The following CRK variants were observed in gnomAD, a reference collection of about 807,000 sequenced individuals.
The protein encoded by CRK is adapter molecule crk.
A neutral mutation model predicts 29.8 loss-of-function variants in CRK; 4 were observed. The observed-to-expected ratio is 0.13, with a 90% CI of 0.07 to 0.31. The LOEUF (loss-of-function observed/expected upper bound fraction) is 0.31, where lower values mean the gene tolerates loss of function less well. Among genes scored for constraint, CRK ranks in the 10% least tolerant of loss-of-function variants. The probability of loss-of-function intolerance (pLI) is 1.00; values close to 1 mark genes in which losing one functional copy is unlikely to be tolerated. For synonymous variants in CRK, 153 were observed against 164.9 expected (o/e 0.93, Z 0.55); for missense variants, 274 against 396.5 (o/e 0.69, Z 2.62).
At chr17:1,429,891 C>A (rs528807292) in intron 2 of CRK, among the ~76,000 whole-genome samples, 2 of 151,412 alleles carry the variant, frequency 1.3e-5, no homozygotes, top group African/African-American at 4.9e-5. Context: ...CAACTGGGCA[C>A]CCTTGCTTGG....
At chr17:1,446,503 G>C (rs2073975733) in intron 1 of CRK, among the ~76,000 whole-genome samples, 1 of 151,884 alleles carries the variant, frequency 6.6e-6, no homozygotes, top group African/African-American at 2.4e-5. Flanking sequence ...GAGAAAACTT[G>C]GCAGATCATC....
intron 1 of CRK, among the ~76,000 whole-genome samples, chr17:1,446,889 G>A (rs994571491): frequency 6.6e-6 from 1 of 152,132 alleles, no homozygotes; most frequent in African/African-American, 2.4e-5. Flanking sequence ...CACCACGCCC[G>A]GCCGTGACTT....
At chr17:1,454,287 T>C (rs1412251072) in intron 1 of CRK, among the ~76,000 whole-genome samples, 3 of 152,154 alleles carry the variant, frequency 2.0e-5, no homozygotes, top group Non-Finnish European at 4.4e-5. Flanking sequence ...TTGCCTGTAA[T>C]CCCAGCACTT....
At position 1,437,155 on chromosome 17, in the gene CRK, C is replaced by T; in HGVS notation, c.242G>A (p.Gly81Glu). Residue 81 changes from glycine to glutamate, a missense_variant and splice_region_variant, in exon 2 of 3, where the codon GGG (glycine) becomes GAG (glutamate). By Grantham distance (98) the Gly-to-Glu change is moderately conservative. This residue lies in a region of CRK where 135 missense variants were observed against 180.9 expected (regional missense o/e 0.75). Coordinates refer to ENST00000300574, the MANE Select transcript of CRK (RefSeq NM_016823.4). ...VPPSPAQPPP[G>E]VSPSRLRIGD... ...TATTCGGAGTCTGGAGGGGCTCACC[C>T]CTGGAAAAAACAGAGCAGGCTGTTA... 6.3e-7 allele frequency: 1 copy of T among 1,585,768 alleles called. No individual in the cohort carries two copies. The highest frequency in any genetic ancestry group is 1.1e-5 in the South Asian group (1 of 87,008).
intron 2 of CRK, among the ~76,000 whole-genome samples, chr17:1,425,872 A>C (rs1459190238): frequency 6.6e-6 from 1 of 152,188 alleles, no homozygotes; most frequent in East Asian, 1.9e-4. Flanking sequence ...ATAGAGAGAC[A>C]CATAAGACAC....
chr17:1,444,432 G>A (rs1264794800), intron 1 of CRK, among the ~76,000 whole-genome samples: 4 of 152,198 alleles, frequency 2.6e-5, no homozygotes, highest in Admixed American at 2.0e-4. Context: ...CGGAGGCTGA[G>A]GTGGATTGCT....
At chr17:1,426,849 T>C (rs547981879) in intron 2 of CRK, among the ~76,000 whole-genome samples, 14 of 59,638 alleles carry the variant, frequency 2.3e-4, no homozygotes, top group Non-Finnish European at 4.4e-4. Context: ...CCAACAGAGT[T>C]ACACTGTCTC....
chr17:1,424,727 TG>T (rs2073760819), intron 2 of CRK: 1 of 152,172 alleles, frequency 6.6e-6, no homozygotes, highest in South Asian at 2.1e-4. Context: ...AAACCAACCA[TG>T]GCCGGGCGCA....
chr17:1,445,162 C>T (rs376696555), intron 1 of CRK, among the ~76,000 whole-genome samples: 393 of 148,608 alleles, frequency 2.6e-3, no homozygotes, highest in Middle Eastern at 0.021. Context: ...AAAAAAAAAT[C>T]ATTCCACTAT....
At position 1,436,803 on chromosome 17, in the gene CRK, C is replaced by T. The variant is rs755759046; in HGVS notation, c.594G>A (p.Ser198=). 6.3e-6 allele frequency: 10 copies of T among 1,581,378 alleles called. No individual in the cohort carries two copies. The highest frequency in any genetic ancestry group is 1.4e-5 in the African/African-American group (1 of 74,066). Residue 198 remains serine (S), a synonymous_variant, in exon 2 of 3, where the codon TCG becomes TCA. Transcript: ENST00000300574. Reference sequence around the variant, plus strand: ...CCTCCTGGTTACCTCCAATCAGAGCCGATACTGAGGCGGAGGCAGGTCTAT... The same window carrying T: ...CCTCCTGGTTACCTCCAATCAGAGCTGATACTGAGGCGGAGGCAGGTCTAT... ...EKYRPASASV[S]ALIGGNQEGS...
intron 2 of CRK, among the ~76,000 whole-genome samples, chr17:1,431,550 T>C (rs1172823650): frequency 6.6e-6 from 1 of 151,506 alleles, no homozygotes; most frequent in Non-Finnish European, 1.5e-5. Context: ...TGAAACCCCA[T>C]CTCTACTAAA....
chr17:1,453,058 T>G (rs896259441), intron 1 of CRK, among the ~76,000 whole-genome samples: 3 of 152,098 alleles, frequency 2.0e-5, no homozygotes, highest in South Asian at 2.1e-4. Context: ...CAGTGAGCTG[T>G]GTTCATGCCA....
At chr17:1,431,097 A>C (rs373979304) in intron 2 of CRK, among the ~76,000 whole-genome samples, 1 of 152,092 alleles carries the variant, frequency 6.6e-6, no homozygotes, top group African/African-American at 2.4e-5. Context: ...CAAACAAATT[A>C]ACCCTTTGTG....
chr17:1,452,971 T>C (rs547378108), intron 1 of CRK, among the ~76,000 whole-genome samples: 2 of 151,908 alleles, frequency 1.3e-5, no homozygotes, highest in South Asian at 2.1e-4. Context: ...TAACCAGGCA[T>C]GGTGGATACG....
In CRK at chr17:1,423,103, A is replaced by G; in HGVS notation, c.*410T>C. The G allele has an allele frequency of 2.4e-6, 1 of 422,138 alleles. No homozygotes were observed. Among genetic ancestry groups the G allele is most frequent in the South Asian group, 9.2e-5 (1 of 10,840 alleles). The allele number at this position is 422,138 out of a possible 1,614,324, so 26.1% of individuals were successfully genotyped here. A position where few individuals can be genotyped will look rare whatever the true frequency, so the allele number is the denominator to read the frequency against. On this transcript the variant is annotated 3_prime_UTR_variant, in exon 3 of 3. Coordinates refer to ENST00000300574, the MANE Select transcript of CRK (RefSeq NM_016823.4). ...GATTACTTCACGGGGGTGGAACGGA[A>G]CAGTCTGTCGCCATTTGATAGTATG...
rs1411395266 is a variant in CRK, at chr17:1,432,496, G to C, written c.777+4124C>G. Reference sequence around the variant, plus strand: ...TGTCTTAAAAAAAAAAAAAAAAAAAGGCCAGGCGCGGTGGCTCACGCCTGT... The same window carrying C: ...TGTCTTAAAAAAAAAAAAAAAAAAACGCCAGGCGCGGTGGCTCACGCCTGT... On this transcript the variant is annotated intron_variant, in intron 2 of 2. Transcript: ENST00000300574. Among the ~76,000 whole-genome samples, 9 of 75,836 alleles carry C rather than the reference G, an allele frequency of 1.2e-4. No individual in the cohort carries two copies. The East Asian group carries it at 2.8e-3, about 23-fold the overall frequency. 49.8% of individuals were successfully genotyped at this position (75,836 alleles called of 152,430 possible).
chr17:1,427,069 A>C lies in CRK; in HGVS notation c.778-3419T>G, dbSNP rs866624886. 4.4e-3 allele frequency among the ~76,000 whole-genome samples: 494 copies of C among 113,276 alleles called. 59 individuals are homozygous for C. Among genetic ancestry groups the C allele is most frequent in the African/African-American group, 0.016 (462 of 29,580 alleles). 74.3% of individuals were successfully genotyped at this position (113,276 alleles called of 152,430 possible). ...AAAAAAAAAAAAAAAAAAAAAAAAA[A>C]AAAGATTCTGACATGCCCCAGCCAG... On this transcript the variant is annotated intron_variant, in intron 2 of 2. Coordinates refer to ENST00000300574, the MANE Select transcript of CRK (RefSeq NM_016823.4).
chr17:1,447,464 C>A (rs779759700), intron 1 of CRK, among the ~76,000 whole-genome samples: 24 of 152,108 alleles, frequency 1.6e-4, no homozygotes, highest in Non-Finnish European at 3.5e-4. Flanking sequence ...CAGGTTACGA[C>A]CATTTTTACA....
rs550701530 is a variant in CRK, at chr17:1,425,843, G to A, written c.778-2193C>T. On this transcript the variant is annotated intron_variant, in intron 2 of 2. Transcript: ENST00000300574. ...ATGGGTCATAGGATGCTGAGAAAAGGAGGGACAGAAAGAAGGGGATAGAGA... is the reference window on the plus strand; with the variant it reads ...ATGGGTCATAGGATGCTGAGAAAAGAAGGGACAGAAAGAAGGGGATAGAGA... Among the ~76,000 whole-genome samples the A allele has an allele frequency of 2.0e-5, 3 of 152,300 alleles. No homozygotes were observed. In the South Asian group the frequency reaches 6.2e-4, roughly 32 times the overall value.
Sources: gnomAD v4.1 joint callset for allele counts (sites outside exome capture counted in the v4.1 genomes callset) on GRCh38, gnomAD v4.1.1 for gene constraint, gnomAD v4.1.1 regional missense constraint, MANE v1.5 for transcripts, NCBI Gene and HGNC (gene_info 2026-07-23, HGNC 2026-07-21) for gene names.